The following FAM120AOS variants were observed in gnomAD, a reference collection of about 807,000 sequenced individuals.
The protein encoded by FAM120AOS is uncharacterized protein FAM120AOS.
FAM120AOS carries 15 observed loss-of-function variants against 20.2 expected under a neutral mutation model. The ratio of observed to expected loss-of-function variants is 0.74; its 90% CI spans 0.50 to 1.15. The LOEUF (loss-of-function observed/expected upper bound fraction) is 1.15. Among genes scored for constraint, FAM120AOS ranks in the 50% most tolerant of loss-of-function variants. The probability of loss-of-function intolerance (pLI) is 0.00; values close to 1 mark genes in which losing one functional copy is unlikely to be tolerated. For missense variants in FAM120AOS, 327 were observed against 351.9 expected (o/e 0.93, Z 0.57); for synonymous variants, 154 against 154.0 (o/e 1.00, Z 0.00).
Position 93,452,580 on chromosome 9 carries a change from A to C in FAM120AOS, c.130T>G (p.Trp44Gly). The C allele has an allele frequency of 2.5e-6, 4 of 1,596,420 alleles. No individual in the cohort carries two copies. The highest frequency in any genetic ancestry group is 3.4e-6 in the Non-Finnish European group (4 of 1,178,446). ...CGCGGGTGCAGGCCGCGCGCTGCCC[A>C]AGCCCGTCTCCAGCTGTCCCTGTTC... ...TPNRDSWRRAWAARGLHPRPS... is the reference protein window; with the variant it reads ...TPNRDSWRRAGAARGLHPRPS... The change falls in exon 1 of 3, where the codon TGG (tryptophan) becomes GGG (glycine). Residue 44 changes from tryptophan (W) to glycine (G), a missense_variant. Trp to Gly is a radical substitution (Grantham distance 184). Coordinates refer to ENST00000375412, the MANE Select transcript of FAM120AOS (RefSeq NM_198841.4). This position sits in a 1 kb window ranked among gnomAD's most constrained non-coding sequence, Gnocchi z 7.0.
Position 93,445,128 on chromosome 9 carries a change from G to C in FAM120AOS, c.*2483C>G, listed in dbSNP as rs1275704361. On this transcript the variant is annotated 3_prime_UTR_variant, in exon 3 of 3. Transcript: ENST00000375412. ...GCTCTACAGTCTCTTTGTCTTCTAA[G>C]GGCAGGGCATCTTCTATCTTCTAGG... Among the ~76,000 whole-genome samples, 2 of 152,134 alleles carry C rather than the reference G, an allele frequency of 1.3e-5. No individual in the cohort carries two copies. The highest frequency in any genetic ancestry group is 2.9e-5 in the Non-Finnish European group (2 of 68,032).
intron 2 of FAM120AOS, chr9:93,448,427 A>T: frequency 4.8e-6 from 1 of 208,870 alleles, no homozygotes; most frequent in Non-Finnish European, 1.0e-5. Context: ...TGGGAGAGGG[A>T]GGTTGCAGTG....
rs1857345233 is a variant in FAM120AOS at position 93,452,958 on chromosome 9, G to C, written c.-249C>G. 7.2e-7 allele frequency: 1 copy of C among 1,381,074 alleles called. No homozygotes were observed. 85.6% of individuals were successfully genotyped at this position (1,381,074 alleles called of 1,614,324 possible). On this transcript the variant is annotated 5_prime_UTR_variant, in exon 1 of 3. Transcript: ENST00000375412. The surrounding 1 kb of genome is among the most constrained non-coding windows in gnomAD (Gnocchi z 7.0). Reference sequence around the variant, plus strand: ...GGCCAGTGCCCTGGCCTCTACTTCAGAACGCAGTGCCCTGTCCGTGTTCCT... The same window carrying C: ...GGCCAGTGCCCTGGCCTCTACTTCACAACGCAGTGCCCTGTCCGTGTTCCT...
At chr9:93,451,135 G>A (rs763831342) in intron 1 of FAM120AOS, 2 of 1,550,464 alleles carry the variant, frequency 1.3e-6, no homozygotes, top group Non-Finnish European at 1.7e-6. Context: ...TTTCCAAGAA[G>A]CCAGGCGCGG....
rs1458385267 is a variant in FAM120AOS, at chr9:93,452,819, G to T, written c.-110C>A. ...ACAGGTTCATCTTGGAAGCAGGCAG[G>T]ATACAGAGTAATAGAGGGGGTTTCG... is the stretch of plus-strand genomic sequence containing the variant. On this transcript the variant is annotated 5_prime_UTR_variant, in exon 1 of 3. Transcript: ENST00000375412. The surrounding 1 kb of genome is among the most constrained non-coding windows in gnomAD (Gnocchi z 7.0). 1.9e-6 allele frequency: 3 copies of T among 1,572,512 alleles called. No individual in the cohort carries two copies. Among genetic ancestry groups the T allele is most frequent in the Admixed American group, 1.9e-5 (1 of 54,038 alleles).
rs1462282424 is a variant in FAM120AOS, at chr9:93,444,365, A to G, written c.*3246T>C. Among the ~76,000 whole-genome samples the G allele has an allele frequency of 2.0e-5, 3 of 152,014 alleles. No homozygotes were observed. Among genetic ancestry groups the G allele is most frequent in the Non-Finnish European group, 2.9e-5 (2 of 67,994 alleles). ...TGACTAGGGTCATCTTTAGGTCAGG[A>G]CTGAGAGAGAAAAAGTTTAAAAAAG... On this transcript the variant is annotated 3_prime_UTR_variant, in exon 3 of 3. Transcript: ENST00000375412.
rs1242561327 is a variant in FAM120AOS, at chr9:93,450,465, A to C, written c.684+14T>G. The C allele has an allele frequency of 2.6e-6, 4 of 1,552,634 alleles. No homozygotes were observed. Among genetic ancestry groups the C allele is most frequent in the Non-Finnish European group, 3.5e-6 (4 of 1,152,164 alleles). ...GGTGGGTATCAGAAAAGAAAGCAGA[A>C]AAATCCAACTTGCCTTTTTCACCGG... is the stretch of plus-strand genomic sequence containing the variant. On this transcript the variant is annotated intron_variant, in intron 2 of 2. Coordinates refer to ENST00000375412, the MANE Select transcript of FAM120AOS (RefSeq NM_198841.4).
In FAM120AOS at chr9:93,446,463, G is replaced by A. The variant is rs530306653; in HGVS notation, c.*1148C>T. ...TCTTAAAATGGCTTTATACTTACGG[G>A]AATTCCTAATTAAAAAAAAAACTCA... On this transcript the variant is annotated 3_prime_UTR_variant, in exon 3 of 3. Transcript: ENST00000375412. 1 of 151,704 alleles carries A rather than the reference G, an allele frequency of 6.6e-6. No homozygotes were observed. The highest frequency in any genetic ancestry group is 1.9e-4 in the East Asian group (1 of 5,180). The allele number at this position is 151,704 out of a possible 1,614,324, so 9.4% of individuals were successfully genotyped here. A position where few individuals can be genotyped will look rare whatever the true frequency, so the allele number is the denominator to read the frequency against.
In FAM120AOS at chr9:93,443,479, G is replaced by A. The variant is rs1232357893; in HGVS notation, c.*4132C>T. On this transcript the variant is annotated 3_prime_UTR_variant, in exon 3 of 3. Transcript: ENST00000375412. Reference sequence around the variant, plus strand: ...GCACATGGCAGTTTCAGGTTGGAAGGTCATTTTTACAGTTCTGAACTGCTG... The same window carrying A: ...GCACATGGCAGTTTCAGGTTGGAAGATCATTTTTACAGTTCTGAACTGCTG... Among the ~76,000 whole-genome samples the A allele has an allele frequency of 2.6e-5, 4 of 152,212 alleles. No homozygotes were observed. Among genetic ancestry groups the A allele is most frequent in the African/African-American group, 9.6e-5 (4 of 41,456 alleles).
Position 93,452,323 on chromosome 9 carries a change from C to T in FAM120AOS, c.387G>A (p.Gln129=), listed in dbSNP as rs764260031. Residue 129 remains glutamine, a synonymous_variant, in exon 1 of 3, where the codon CAG becomes CAA. Transcript: ENST00000375412. The surrounding 1 kb of genome is among the most constrained non-coding windows in gnomAD (Gnocchi z 7.0). ...ACAAGGGCACCCCGCCGCCAAAGGT[C>T]TGGTTCCTGCCGCCCGTCTGCATGG... ...QWAMQTGGRN[Q]TFGGGVPLFW... The T allele has an allele frequency of 2.5e-6, 4 of 1,612,914 alleles. No individual in the cohort carries two copies. Among genetic ancestry groups the T allele is most frequent in the Non-Finnish European group, 3.4e-6 (4 of 1,179,896 alleles).
rs1856882564 is a variant in FAM120AOS, at chr9:93,447,309, T to TTGA, written c.*301_*302insTCA. On this transcript the variant is annotated 3_prime_UTR_variant, in exon 3 of 3. Coordinates refer to ENST00000375412, the MANE Select transcript of FAM120AOS (RefSeq NM_198841.4). ...GGGTTATGTTTTCTTCATCTCCATA[T>TTGA]CCCCAGTAGCTGGCCAATGCCCAGT... 6.9e-6 allele frequency: 2 copies of TTGA among 290,130 alleles called. No homozygotes were observed. Among genetic ancestry groups the TTGA allele is most frequent in the Non-Finnish European group, 1.3e-5 (2 of 153,360 alleles). The allele number at this position is 290,130 out of a possible 1,614,324, so 18.0% of individuals were successfully genotyped here.
At chr9:93,451,877 CCCCCCGCCCGCACCCGCGCCCGCG>C (rs1288226173) in intron 1 of FAM120AOS, 2 of 1,178,274 alleles carry the variant, frequency 1.7e-6, no homozygotes, top group Non-Finnish European at 2.1e-6. Flanking sequence ...GGCCCCGCCG[CCCCCCGCCCGCACCCGCGCCCGCG>C]CCCCCGCCGC....
rs757329043 is a variant in FAM120AOS, at chr9:93,452,338, C to T, written c.372G>A (p.Thr124=). 1.1e-5 allele frequency: 18 copies of T among 1,612,890 alleles called. No individual in the cohort carries two copies. Among genetic ancestry groups the T allele is most frequent in the Admixed American group, 1.7e-5 (1 of 60,008 alleles). The change falls in exon 1 of 3, where the codon ACG becomes ACA. Residue 124 remains threonine (T), a synonymous_variant. Coordinates refer to ENST00000375412, the MANE Select transcript of FAM120AOS (RefSeq NM_198841.4). This position sits in a 1 kb window ranked among gnomAD's most constrained non-coding sequence, Gnocchi z 7.0. Reference sequence around the variant, plus strand: ...CGCCAAAGGTCTGGTTCCTGCCGCCCGTCTGCATGGCCCACTGCATCCGCC... The same window carrying T: ...CGCCAAAGGTCTGGTTCCTGCCGCCTGTCTGCATGGCCCACTGCATCCGCC... ...SARRMQWAMQ[T]GGRNQTFGGG... is the part of the protein sequence containing the mutation.
chr9:93,445,936 T>C lies in FAM120AOS; in HGVS notation c.*1675A>G, dbSNP rs1313552623. On this transcript the variant is annotated 3_prime_UTR_variant, in exon 3 of 3. Coordinates refer to ENST00000375412, the MANE Select transcript of FAM120AOS (RefSeq NM_198841.4). Reference sequence around the variant, plus strand: ...TGGGCTGATGTCTCATGAATAACTGTGCCAAAATCCTCACTTCTGAGTGCA... The same window carrying C: ...TGGGCTGATGTCTCATGAATAACTGCGCCAAAATCCTCACTTCTGAGTGCA... Among the ~76,000 whole-genome samples the C allele has an allele frequency of 6.6e-6, 1 of 152,190 alleles. No individual in the cohort carries two copies. Among genetic ancestry groups the C allele is most frequent in the Non-Finnish European group, 1.5e-5 (1 of 68,036 alleles).
In FAM120AOS at chr9:93,449,059, G is replaced by GTTT. The variant is rs141231806; in HGVS notation, c.685-1365_685-1363dup. Among the ~76,000 whole-genome samples, 144 of 142,596 alleles carry GTTT rather than the reference G, an allele frequency of 1.0e-3. 1 individual carries two copies. Among genetic ancestry groups the GTTT allele is most frequent in the African/African-American group, 2.2e-3 (84 of 38,936 alleles). The allele number at this position is 142,596 out of a possible 152,430, so 93.5% of individuals were successfully genotyped here. A position where few individuals can be genotyped will look rare whatever the true frequency, so the allele number is the denominator to read the frequency against. On this transcript the variant is annotated intron_variant, in intron 2 of 2. Transcript: ENST00000375412. ...CATCAATAGCTACTCAATAAATAAA[G>GTTT]TTTTTTTTTTTTTTTTTTAAAGAAC... is the stretch of plus-strand genomic sequence containing the variant.
rs909379178 is a variant in FAM120AOS, at chr9:93,447,172, T to C, written c.*439A>G. On this transcript the variant is annotated 3_prime_UTR_variant, in exon 3 of 3. Coordinates refer to ENST00000375412, the MANE Select transcript of FAM120AOS (RefSeq NM_198841.4). ...ATATGATCTGTTGCAGGAGGGTTTATAGGGTACTTAGTTACACAGGTCACA... is the reference window on the plus strand; with the variant it reads ...ATATGATCTGTTGCAGGAGGGTTTACAGGGTACTTAGTTACACAGGTCACA... The C allele has an allele frequency of 6.1e-6, 1 of 164,226 alleles. No homozygotes were observed. The highest frequency in any genetic ancestry group is 1.3e-5 in the Non-Finnish European group (1 of 74,492). 10.2% of individuals were successfully genotyped at this position (164,226 alleles called of 1,614,324 possible).
intron 1 of FAM120AOS, 148 bp downstream of exon 1, chr9:93,451,999 G>A (rs1330404260): frequency 1.3e-6 from 2 of 1,551,038 alleles, no homozygotes; most frequent in Non-Finnish European, 1.7e-6. Context: ...AGCTGGCCCG[G>A]GGCAGCCTGG....
In FAM120AOS at chr9:93,443,910, G is replaced by A. The variant is rs1011426824; in HGVS notation, c.*3701C>T. On this transcript the variant is annotated 3_prime_UTR_variant, in exon 3 of 3. Transcript: ENST00000375412. ...GCCTGCTCATTTTGCCAAAAGGAAC[G>A]CCCCTCAGGCAGAAAGCAGAGAGAG... Among the ~76,000 whole-genome samples, 2 of 152,252 alleles carry A rather than the reference G, an allele frequency of 1.3e-5. No homozygotes were observed. Among genetic ancestry groups the A allele is most frequent in the Admixed American group, 6.5e-5 (1 of 15,286 alleles).
chr9:93,453,497 T>C lies in FAM120AOS; in HGVS notation c.-788A>G. ...TCCATCTTGTCATTTGACATTTCCT[T>C]GAAACTGCTGGAGCTGAAAGTTTGT... On this transcript the variant is annotated 5_prime_UTR_variant, in exon 1 of 3. Transcript: ENST00000375412. 2.0e-6 allele frequency: 2 copies of C among 985,480 alleles called. No homozygotes were observed. The highest frequency in any genetic ancestry group is 2.3e-4 in the East Asian group (2 of 8,820). The allele number at this position is 985,480 out of a possible 1,614,324, so 61.0% of individuals were successfully genotyped here. A position where few individuals can be genotyped will look rare whatever the true frequency, so the allele number is the denominator to read the frequency against.
Sources: gnomAD v4.1 joint callset for allele counts (sites outside exome capture counted in the v4.1 genomes callset) on GRCh38, gnomAD v4.1.1 for gene constraint, Gnocchi (gnomAD v3.1) non-coding constraint, MANE v1.5 for transcripts, NCBI Gene and HGNC (gene_info 2026-07-23, HGNC 2026-07-21) for gene names.